MARCHF1: variants seen among roughly 807,000 people sequenced by gnomAD.
MARCHF1 encodes membrane associated ring-CH-type finger 1.
Under a neutral mutation model 54.2 loss-of-function variants are expected in MARCHF1, and 40 were observed. That is an observed-to-expected ratio of 0.74 (90% confidence interval 0.57 to 0.96). MARCHF1 has a LOEUF of 0.96. Ranked by LOEUF, MARCHF1 falls within the 40% of genes least tolerant of loss-of-function variation. The pLI, the probability that MARCHF1 is intolerant of heterozygous loss-of-function variation, is 0.00. For missense variants in MARCHF1, 586 were observed against 656.5 expected (o/e 0.89, Z 1.17); for synonymous variants, 236 against 236.3 (o/e 1.00, Z 0.01).
chr4:164,269,778 G>A (rs531568482), intron 1 of MARCHF1, among the ~76,000 whole-genome samples: 1 of 152,228 alleles, frequency 6.6e-6, no homozygotes, highest in African/African-American at 2.4e-5. Context: ...TGTGACTGGG[G>A]AGGGGGGTTT....
chr4:163,576,650 C>T (rs550245593), intron 8 of MARCHF1, among the ~76,000 whole-genome samples: 3 of 152,120 alleles, frequency 2.0e-5, no homozygotes, highest in East Asian at 3.9e-4. Context: ...TGCCCACTGA[C>T]ATAGGCACAC....
At chr4:163,754,177 AG>A (rs1352949991) in intron 4 of MARCHF1, among the ~76,000 whole-genome samples, 1 of 152,196 alleles carries the variant, frequency 6.6e-6, no homozygotes, top group African/African-American at 2.4e-5. Flanking sequence ...TAGCTGCAAT[AG>A]CTCCAAACTT....
intron 8 of MARCHF1, among the ~76,000 whole-genome samples, chr4:163,562,002 AAAC>A: frequency 6.6e-6 from 1 of 152,150 alleles, no homozygotes; most frequent in East Asian, 1.9e-4. Context: ...TAGCTATCAA[AAAC>A]AACACTCCAG....
At chr4:164,344,242 A>G (rs1254278212) in intron 1 of MARCHF1, among the ~76,000 whole-genome samples, 2 of 152,140 alleles carry the variant, frequency 1.3e-5, no homozygotes, top group Non-Finnish European at 2.9e-5. Context: ...GGGAAGGAGG[A>G]GGGAGAAGAT....
chr4:164,284,606 GAC>G (rs1468502826), intron 1 of MARCHF1, among the ~76,000 whole-genome samples: 1 of 150,970 alleles, frequency 6.6e-6, no homozygotes, highest in East Asian at 2.0e-4. Flanking sequence ...GTCTTATAAA[GAC>G]ACAAAACTAA....
intron 2 of MARCHF1, among the ~76,000 whole-genome samples, chr4:164,069,346 T>C (rs1213420223): frequency 6.6e-6 from 1 of 152,182 alleles, no homozygotes; most frequent in Admixed American, 6.5e-5. Flanking sequence ...GCAACCCACT[T>C]GGATCCCCTT....
At chr4:164,106,036 C>G (rs1755689156) in intron 2 of MARCHF1, among the ~76,000 whole-genome samples, 1 of 151,006 alleles carries the variant, frequency 6.6e-6, no homozygotes, top group South Asian at 2.1e-4. Flanking sequence ...CACTGGCCAT[C>G]AGAGATATGC....
In MARCHF1 at chr4:163,808,725, T is replaced by C. The variant is rs539989030; in HGVS notation, c.111+45296A>G. The stretch of plus-strand genomic sequence containing the variant: ...CTGGGACTACAGGCACCTGCCACCA[T>C]GCCTGGCTAATTTTTGTATTTTTAG... On this transcript the variant is annotated intron_variant, in intron 4 of 9. Transcript: ENST00000514618. Among the ~76,000 whole-genome samples, 124 of 152,098 alleles carry C rather than the reference T, an allele frequency of 8.2e-4. 1 individual carries two copies. The highest frequency in any genetic ancestry group is 2.9e-3 in the African/African-American group (121 of 41,510).
chr4:163,817,734 C>T (rs1052896556), intron 4 of MARCHF1, among the ~76,000 whole-genome samples: 1 of 151,644 alleles, frequency 6.6e-6, no homozygotes, highest in Non-Finnish European at 1.5e-5. Context: ...TTTTGAAAGC[C>T]ACTTAAGAAA....
In MARCHF1 at chr4:163,526,587, T is replaced by TTATC. The variant is rs1350930467; in HGVS notation, c.*2157_*2160dup. ...ACAGATTTGTTATTCATAAATGTATTTATCTTAAATATTTAAAATGGGCAT... is the reference window on the plus strand; with the variant it reads ...ACAGATTTGTTATTCATAAATGTATTTATCTATCTTAAATATTTAAAATGGGCAT... On this transcript the variant is annotated 3_prime_UTR_variant, in exon 10 of 10. Transcript: ENST00000514618. 20 of 152,166 alleles carry TTATC rather than the reference T, an allele frequency of 1.3e-4. No homozygotes were observed. Among genetic ancestry groups the TTATC allele is most frequent in the Admixed American group, 2.6e-4 (4 of 15,266 alleles). The allele number at this position is 152,166 out of a possible 1,614,324, so 9.4% of individuals were successfully genotyped here.
At chr4:163,534,697 C>A (rs1738471402) in intron 9 of MARCHF1, among the ~76,000 whole-genome samples, 1 of 152,044 alleles carries the variant, frequency 6.6e-6, no homozygotes, top group Admixed American at 6.6e-5. Flanking sequence ...TATCATTAAT[C>A]AGTGTCTGTT....
intron 5 of MARCHF1, among the ~76,000 whole-genome samples, chr4:163,645,756 T>C (rs1327468216): frequency 1.3e-5 from 2 of 152,130 alleles, no homozygotes; most frequent in South Asian, 2.1e-4. Context: ...ATTAAAAAGC[T>C]TGAAGACAGA....
At chr4:163,977,113 T>C (rs1162095424) in intron 3 of MARCHF1, among the ~76,000 whole-genome samples, 1 of 151,804 alleles carries the variant, frequency 6.6e-6, no homozygotes, top group Non-Finnish European at 1.5e-5. Context: ...GTTCAATAAT[T>C]ATTAGCTAGA....
At chr4:164,250,000 TCATGATAGATGGTGAAAC>T (rs1468561131) in intron 1 of MARCHF1, among the ~76,000 whole-genome samples, 1 of 152,100 alleles carries the variant, frequency 6.6e-6, no homozygotes, top group Non-Finnish European at 1.5e-5. Context: ...CTATTTAACC[TCATGATAGATGGTGAAAC>T]CGAGGTAGTT....
At chr4:164,202,634 C>T (rs976379205) in intron 1 of MARCHF1, among the ~76,000 whole-genome samples, 60 of 152,150 alleles carry the variant, frequency 3.9e-4, no homozygotes, top group Non-Finnish European at 5.9e-5. Flanking sequence ...AGTACTCAAA[C>T]CAGGATTTAA....
chr4:164,144,371 T>C (rs1729608221), intron 1 of MARCHF1, among the ~76,000 whole-genome samples: 1 of 151,140 alleles, frequency 6.6e-6, no homozygotes, highest in African/African-American at 2.5e-5. Context: ...AATATATATT[T>C]TTTTCAGCAC....
chr4:164,031,189 T>C (rs944897698), intron 2 of MARCHF1, among the ~76,000 whole-genome samples: 1 of 152,242 alleles, frequency 6.6e-6, no homozygotes, highest in Middle Eastern at 3.4e-3. Context: ...GTCATTCAAT[T>C]TGATATTCAA....
chr4:163,574,024 A>G (rs1269854558), intron 8 of MARCHF1, among the ~76,000 whole-genome samples: 2 of 152,136 alleles, frequency 1.3e-5, no homozygotes, highest in Non-Finnish European at 2.9e-5. Context: ...GTGAGATGAT[A>G]TCTCATTGTG....
At chr4:163,949,743 G>GT (rs1752096184) in intron 3 of MARCHF1, among the ~76,000 whole-genome samples, 1 of 139,924 alleles carries the variant, frequency 7.1e-6, no homozygotes, top group Non-Finnish European at 1.6e-5. Flanking sequence ...TCTGCAGGCA[G>GT]TGTCTGGAGT....
Sources: allele counts gnomAD v4.1 joint callset (sites outside exome capture counted in the v4.1 genomes callset), GRCh38; gene constraint gnomAD v4.1.1; transcripts MANE v1.5; gene names NCBI Gene and HGNC (gene_info 2026-07-23, HGNC 2026-07-21).